ADAM22: variants seen among roughly 807,000 people sequenced by gnomAD.
ADAM22 encodes the protein ADAM metallopeptidase domain 22.
ADAM22 carries 65 observed loss-of-function variants against 144.6 expected under a neutral mutation model. The ratio of observed to expected loss-of-function variants is 0.45; its 90% confidence interval spans 0.37 to 0.55. The LOEUF (loss-of-function observed/expected upper bound fraction) is 0.55, where lower values mean the gene tolerates loss of function less well. ADAM22 is among the 20% of genes least tolerant of loss of function. The probability of loss-of-function intolerance (pLI) is 0.00; values close to 1 mark genes in which losing one functional copy is unlikely to be tolerated. For missense variants in ADAM22, 974 were observed against 1,184.9 expected, an observed-to-expected ratio of 0.82 and a Z score of 2.61; for synonymous variants, 391 against 412.6, an observed-to-expected ratio of 0.95 and a Z score of 0.63.
chr7:88,100,109 A>G (rs1822513167), intron 4 of ADAM22, among the ~76,000 whole-genome samples: 1 of 152,156 alleles, frequency 6.6e-6, no homozygotes. Context: ...ACAATGGGAA[A>G]ACCTGGGTGA....
At chr7:88,178,847 T>C in intron 26 of ADAM22, 88 bp from the exon 27 acceptor site, 1 of 728,502 alleles carries the variant, frequency 1.4e-6, no homozygotes, top group Non-Finnish European at 2.2e-6. Context: ...TATCCCTACC[T>C]CTCTTTTTTC....
chr7:88,129,897 C>T (rs1186155633), intron 9 of ADAM22, among the ~76,000 whole-genome samples: 2 of 152,144 alleles, frequency 1.3e-5, no homozygotes, highest in African/African-American at 4.8e-5. Flanking sequence ...ATGTGATCCA[C>T]ATCTGCCCTG....
At chr7:88,187,112 G>A (rs1848500300) in intron 30 of ADAM22, among the ~76,000 whole-genome samples, 2 of 152,138 alleles carry the variant, frequency 1.3e-5, no homozygotes. Context: ...AGTGCATAGT[G>A]CATACAAAAA....
At position 88,117,842 on chromosome 7, in the gene ADAM22, C is replaced by T. The variant is rs114916339; in HGVS notation, c.607+1028C>T. On this transcript the variant is annotated intron_variant, in intron 7 of 31. Coordinates refer to ENST00000413139, the MANE Select transcript of ADAM22 (RefSeq NM_001324418.2). ...CCAAGTAGCTGGGACCACAGGCACACACCATTACGCCTGGCTAATTTTTGT... is the reference window on the plus strand; with the variant it reads ...CCAAGTAGCTGGGACCACAGGCACATACCATTACGCCTGGCTAATTTTTGT... Among the ~76,000 whole-genome samples the T allele has an allele frequency of 3.0e-3, 454 of 152,080 alleles. 3 individuals are homozygous for T. Among genetic ancestry groups the T allele is most frequent in the African/African-American group, 0.011 (439 of 41,466 alleles).
intron 2 of ADAM22, among the ~76,000 whole-genome samples, chr7:87,976,545 C>G (rs1252314914): frequency 2.0e-5 from 3 of 152,148 alleles, no homozygotes; most frequent in Non-Finnish European, 4.4e-5. Context: ...AAATAAATTT[C>G]TATTTAGGCC....
intron 31 of ADAM22, among the ~76,000 whole-genome samples, chr7:88,194,176 A>C (rs1191906031): frequency 6.6e-6 from 1 of 152,206 alleles, no homozygotes; most frequent in Non-Finnish European, 1.5e-5. Flanking sequence ...ATAATTGTCT[A>C]AGTGTAGCAA....
intron 4 of ADAM22, among the ~76,000 whole-genome samples, chr7:88,106,635 A>T (rs1311705666): frequency 1.3e-5 from 2 of 152,206 alleles, no homozygotes; most frequent in Non-Finnish European, 2.9e-5. Flanking sequence ...AGAAGCTTTC[A>T]GCTACTGAAG....
intron 9 of ADAM22, among the ~76,000 whole-genome samples, chr7:88,129,471 C>CTAA (rs549631500): frequency 2.0e-5 from 3 of 151,896 alleles, no homozygotes; most frequent in East Asian, 1.9e-4. Context: ...ATTACAGTTG[C>CTAA]TAATAATAAT....
intron 7 of ADAM22, among the ~76,000 whole-genome samples, chr7:88,119,579 C>A (rs770404638): frequency 6.6e-6 from 1 of 152,104 alleles, no homozygotes; most frequent in East Asian, 1.9e-4. Context: ...GCCTCTGCCC[C>A]CTGGGTTCAA....
At chr7:87,993,561 G>A (rs1790412733) in intron 3 of ADAM22, among the ~76,000 whole-genome samples, 1 of 152,176 alleles carries the variant, frequency 6.6e-6, no homozygotes, top group African/African-American at 2.4e-5. Flanking sequence ...CTGTCAGAAA[G>A]TCAGTATGCC....
intron 3 of ADAM22, among the ~76,000 whole-genome samples, chr7:88,058,672 C>T (rs1362887830): frequency 6.6e-6 from 1 of 152,124 alleles, no homozygotes; most frequent in African/African-American, 2.4e-5. Flanking sequence ...GTTTTCTTTT[C>T]ATCTTGATGG....
intron 3 of ADAM22, among the ~76,000 whole-genome samples, chr7:88,023,043 T>G (rs114154199): frequency 8.9e-4 from 135 of 152,324 alleles, no homozygotes; most frequent in African/African-American, 3.0e-3. Context: ...ACTCTTTGTT[T>G]ATAAGTATCT....
chr7:87,953,117 G>C (rs1755367258), intron 2 of ADAM22, among the ~76,000 whole-genome samples: 1 of 151,696 alleles, frequency 6.6e-6, no homozygotes, highest in South Asian at 2.1e-4. Flanking sequence ...TTTTTTGAAG[G>C]GTTTTTTTTT....
At chr7:88,001,764 A>G (rs926288977) in intron 3 of ADAM22, among the ~76,000 whole-genome samples, 4 of 151,882 alleles carry the variant, frequency 2.6e-5, no homozygotes, top group African/African-American at 9.7e-5. Flanking sequence ...AATAATGCCT[A>G]TAATTCTCCT....
At chr7:87,955,896 T>A (rs1846582758) in intron 2 of ADAM22, among the ~76,000 whole-genome samples, 1 of 152,186 alleles carries the variant, frequency 6.6e-6, no homozygotes, top group African/African-American at 2.4e-5. Flanking sequence ...GTGCTAGCAA[T>A]CAGGGAGACT....
intron 2 of ADAM22, among the ~76,000 whole-genome samples, chr7:87,962,014 T>C (rs933679025): frequency 6.6e-6 from 1 of 152,226 alleles, no homozygotes; most frequent in African/African-American, 2.4e-5. Flanking sequence ...TTATAGATAA[T>C]GCTCATGCAA....
At chr7:88,003,416 C>T (rs1016627401) in intron 3 of ADAM22, among the ~76,000 whole-genome samples, 1 of 152,206 alleles carries the variant, frequency 6.6e-6, no homozygotes, top group Non-Finnish European at 1.5e-5. Context: ...TCAAGAGGCT[C>T]AGTGGTGCTG....
chr7:88,196,380 A>T, intron 31 of ADAM22, 91 bp from the exon 32 acceptor site: 1 of 1,437,002 alleles, frequency 7.0e-7, no homozygotes. Flanking sequence ...ATATATATGG[A>T]TGGAATCACT....
intron 18 of ADAM22, 121 bp from the exon 19 acceptor site, chr7:88,150,860 A>T: frequency 1.4e-6 from 1 of 734,074 alleles, no homozygotes. Flanking sequence ...TTTGTTTTAT[A>T]GATGGTATAA....
Sources: gnomAD v4.1 joint callset for allele counts (sites outside exome capture counted in the v4.1 genomes callset) on GRCh38, gnomAD v4.1.1 for gene constraint, MANE v1.5 for transcripts, NCBI Gene and HGNC (gene_info 2026-07-23, HGNC 2026-07-21) for gene names.